The following EYS variants were observed in gnomAD, a reference collection of about 807,000 sequenced individuals.
EYS encodes protein eyes shut homolog.
Under a neutral mutation model 282.1 loss-of-function variants are expected in EYS, and 250 were observed. That is an observed-to-expected ratio of 0.89 (90% CI 0.80 to 0.98). EYS has a LOEUF of 0.98. Ranked by LOEUF, EYS falls within the 50% of genes least tolerant of loss-of-function variation. EYS has a pLI of 0.00. For synonymous variants in EYS, 1,355 were observed against 1,282.9 expected (o/e 1.06, Z -1.20); for missense variants, 4,016 against 3,709.0 (o/e 1.08, Z -2.15).
chr6:65,192,278 A>G (rs934127373), intron 12 of EYS, among the ~76,000 whole-genome samples: 10 of 119,368 alleles, frequency 8.4e-5, no homozygotes, highest in African/African-American at 2.8e-4. Flanking sequence ...TTCTTTCCCT[A>G]TAGCTTTTTC....
At chr6:64,552,854 G>T (rs562281765) in intron 26 of EYS, among the ~76,000 whole-genome samples, 1 of 151,836 alleles carries the variant, frequency 6.6e-6, no homozygotes, top group Non-Finnish European at 1.5e-5. Context: ...GGGAGGCAGA[G>T]GTTGCTGTGA....
At chr6:64,500,812 A>T (rs184743481) in intron 26 of EYS, among the ~76,000 whole-genome samples, 1 of 152,080 alleles carries the variant, frequency 6.6e-6, no homozygotes, top group African/African-American at 2.4e-5. Flanking sequence ...TAGAAAACCA[A>T]TGTGATTGTG....
At chr6:64,156,872 T>TA (rs1554213298) in intron 31 of EYS, among the ~76,000 whole-genome samples, 1 of 150,606 alleles carries the variant, frequency 6.6e-6, no homozygotes, top group African/African-American at 2.5e-5. Flanking sequence ...GTTTTTTTTT[T>TA]AATTTTTAAT....
intron 2 of EYS, among the ~76,000 whole-genome samples, chr6:65,638,150 T>G (rs1200239385): frequency 2.0e-5 from 3 of 152,072 alleles, no homozygotes; most frequent in African/African-American, 4.8e-5. Flanking sequence ...CTCAGACATA[T>G]GTCAGGACTA....
intron 35 of EYS, among the ~76,000 whole-genome samples, chr6:63,961,993 A>G (rs1169661624): frequency 6.6e-6 from 1 of 152,212 alleles, no homozygotes; most frequent in Non-Finnish European, 1.5e-5. Flanking sequence ...AACCTGACAA[A>G]AACAAGAAAT....
chr6:64,000,168 CTTTT>C (rs71551553), intron 33 of EYS, among the ~76,000 whole-genome samples: 1 of 42,712 alleles, frequency 2.3e-5, no homozygotes, highest in Non-Finnish European at 4.4e-5. Flanking sequence ...AGACATGGGA[CTTTT>C]TTTTTTTTTT....
At chr6:64,545,507 G>A (rs183252424) in intron 26 of EYS, among the ~76,000 whole-genome samples, 180 of 152,294 alleles carry the variant, frequency 1.2e-3, no homozygotes, top group African/African-American at 4.0e-3. Flanking sequence ...CGTAGTGTTG[G>A]AAGTTCTGGC....
At chr6:64,255,151 T>C (rs1056432719) in intron 30 of EYS, among the ~76,000 whole-genome samples, 10 of 152,082 alleles carry the variant, frequency 6.6e-5, no homozygotes, top group African/African-American at 1.7e-4. Flanking sequence ...ACCATGATAA[T>C]TGCAATTTCA....
rs574181521 is a variant in EYS at position 64,451,659 on chromosome 6, C to A, written c.5645-12307G>T. Among the ~76,000 whole-genome samples, 6 of 152,262 alleles carry A rather than the reference C, an allele frequency of 3.9e-5. No individual in the cohort carries two copies. In the East Asian group the frequency reaches 1.2e-3, roughly 29 times the overall value. Reference sequence around the variant, plus strand: ...AGCAACACATCAAAAAGCTTATCCACCATGATCAAGCGGGCTTCATCCCCG... The same window carrying A: ...AGCAACACATCAAAAAGCTTATCCAACATGATCAAGCGGGCTTCATCCCCG... On this transcript the variant is annotated intron_variant, in intron 26 of 42. Transcript: ENST00000503581.
At chr6:65,661,945 T>C (rs543928677) in intron 1 of EYS, among the ~76,000 whole-genome samples, 7 of 152,132 alleles carry the variant, frequency 4.6e-5, no homozygotes, top group African/African-American at 1.7e-4. Context: ...AATGAAAGGA[T>C]GGAGAGGCAA....
chr6:64,065,728 CTTTAA>C (rs774797679), intron 33 of EYS, among the ~76,000 whole-genome samples: 3 of 152,194 alleles, frequency 2.0e-5, no homozygotes, highest in South Asian at 4.1e-4. Flanking sequence ...CAACTTGATG[CTTTAA>C]TTTATTTGCT....
chr6:65,579,109 G>A (rs961145487), intron 2 of EYS, among the ~76,000 whole-genome samples: 1 of 152,044 alleles, frequency 6.6e-6, no homozygotes, highest in African/African-American at 2.4e-5. Flanking sequence ...ACTCAACTTT[G>A]ACTAATGAGA....
chr6:64,101,395 C>T (rs1189617820), intron 31 of EYS, among the ~76,000 whole-genome samples: 1 of 151,982 alleles, frequency 6.6e-6, no homozygotes, highest in Non-Finnish European at 1.5e-5. Flanking sequence ...AATCAAAAAG[C>T]CTAATAACTT....
chr6:65,035,963 G>T (rs1772756694), intron 13 of EYS, among the ~76,000 whole-genome samples: 1 of 145,742 alleles, frequency 6.9e-6, no homozygotes, highest in African/African-American at 2.5e-5. Context: ...TTATTAATAA[G>T]TACTTTATTA....
intron 36 of EYS, among the ~76,000 whole-genome samples, chr6:63,820,043 A>T (rs775107448): frequency 7.9e-5 from 12 of 152,214 alleles, no homozygotes; most frequent in Non-Finnish European, 1.3e-4. Flanking sequence ...TAATTCTTGC[A>T]TCACAGCCAT....
intron 8 of EYS, among the ~76,000 whole-genome samples, chr6:65,381,514 G>A (rs960188291): frequency 2.6e-5 from 4 of 151,846 alleles, no homozygotes. Context: ...AATACCTAAT[G>A]CATGTGGGGC....
chr6:64,334,229 C>A (rs1036736200), intron 29 of EYS, among the ~76,000 whole-genome samples: 1 of 152,060 alleles, frequency 6.6e-6, no homozygotes, highest in Admixed American at 6.6e-5. Context: ...AGAGCACCTG[C>A]AGGGTTATAT....
chr6:64,469,610 T>C (rs1429162138), intron 26 of EYS, among the ~76,000 whole-genome samples: 3 of 152,020 alleles, frequency 2.0e-5, no homozygotes, highest in Admixed American at 2.0e-4. Flanking sequence ...TGACGCCAGC[T>C]TCTGGGAAGA....
chr6:65,528,867 G>A (rs1027105633), intron 2 of EYS, among the ~76,000 whole-genome samples: 2 of 152,114 alleles, frequency 1.3e-5, no homozygotes, highest in African/African-American at 4.8e-5. Context: ...TAAAGATTCA[G>A]ACCCTTAAGA....
Sources: allele counts gnomAD v4.1 joint callset (sites outside exome capture counted in the v4.1 genomes callset), GRCh38; gene constraint gnomAD v4.1.1; transcripts MANE v1.5; gene names NCBI Gene and HGNC (gene_info 2026-07-23, HGNC 2026-07-21).